Variants in LPAR1 observed in about 807,000 individuals in gnomAD.
LPAR1 encodes LPA receptor 1.
In LPAR1, 5 loss-of-function variants were observed where a neutral mutation model predicts 23.8. The ratio of observed to expected loss-of-function variants is 0.21; its 90% confidence interval spans 0.11 to 0.44. The LOEUF (loss-of-function observed/expected upper bound fraction) is 0.44. Among genes scored for constraint, LPAR1 ranks in the 20% least tolerant of loss-of-function variants. The pLI, the probability that LPAR1 is intolerant of heterozygous loss-of-function variation, is 0.99. For missense variants in LPAR1, 311 were observed against 482.8 expected (o/e 0.64, Z 3.33); for synonymous variants, 160 against 164.7 (o/e 0.97, Z 0.22).
chr9:110,918,955 G>T (rs1053876968), intron 5 of LPAR1, among the ~76,000 whole-genome samples: 1 of 151,728 alleles, frequency 6.6e-6, no homozygotes, highest in African/African-American at 2.4e-5. Flanking sequence ...GTTCCAAAAT[G>T]AGTCACACTC....
At chr9:110,990,544 G>T (rs2096874423) in intron 2 of LPAR1, among the ~76,000 whole-genome samples, 1 of 152,014 alleles carries the variant, frequency 6.6e-6, no homozygotes, top group Non-Finnish European at 1.5e-5. Flanking sequence ...TGAATATTTT[G>T]AACTAAATGA....
Position 110,876,581 on chromosome 9 carries a change from A to G in LPAR1, c.794-859T>C, listed in dbSNP as rs1430543362. On this transcript the variant is annotated intron_variant, in intron 5 of 5. Transcript: ENST00000683809. Reference sequence around the variant, plus strand: ...AAGGCCACAGTACTGGAAAGCAGAAAAATCCCAGAGTTTCTGTTCTTAGAG... The same window carrying G: ...AAGGCCACAGTACTGGAAAGCAGAAGAATCCCAGAGTTTCTGTTCTTAGAG... Among the ~76,000 whole-genome samples, 3 of 152,224 alleles carry G rather than the reference A, an allele frequency of 2.0e-5. No homozygotes were observed. In the East Asian group the frequency reaches 5.8e-4, roughly 29 times the overall value.
intron 5 of LPAR1, among the ~76,000 whole-genome samples, chr9:110,882,025 A>G (rs1485179199): frequency 1.3e-5 from 2 of 152,178 alleles, no homozygotes; most frequent in South Asian, 2.1e-4. Flanking sequence ...CTCTCTCTGC[A>G]GCTTTTTATG....
chr9:110,951,514 G>C (rs545174171), intron 4 of LPAR1, among the ~76,000 whole-genome samples: 2 of 152,118 alleles, frequency 1.3e-5, no homozygotes, highest in South Asian at 4.1e-4. Flanking sequence ...AAAACCTTAA[G>C]AGCCAATAAT....
intron 4 of LPAR1, among the ~76,000 whole-genome samples, chr9:110,950,648 A>G (rs1429335625): frequency 6.6e-6 from 1 of 152,130 alleles, no homozygotes; most frequent in Admixed American, 6.6e-5. Context: ...TACCAGAAAA[A>G]AAAATTCTAG....
intron 2 of LPAR1, among the ~76,000 whole-genome samples, chr9:111,014,974 G>T (rs1410506814): frequency 6.6e-6 from 1 of 151,916 alleles, no homozygotes; most frequent in African/African-American, 2.4e-5. Flanking sequence ...AAGTTAGAAT[G>T]AGGTCATTAG....
At chr9:110,897,884 T>C (rs1358162792) in intron 5 of LPAR1, among the ~76,000 whole-genome samples, 2 of 152,146 alleles carry the variant, frequency 1.3e-5, no homozygotes, top group African/African-American at 2.4e-5. Context: ...CTTTGTATTG[T>C]TGAATTTTCA....
chr9:110,882,236 AAGAAT>A (rs2081080498), intron 5 of LPAR1, among the ~76,000 whole-genome samples: 2 of 152,146 alleles, frequency 1.3e-5, no homozygotes, highest in African/African-American at 4.8e-5. Flanking sequence ...TTCCCTCAAC[AAGAAT>A]ATTAACTTCA....
Position 110,941,377 on chromosome 9 carries a change from C to G in LPAR1, c.793+44G>C. On this transcript the variant is annotated intron_variant, in intron 5 of 5. Transcript: ENST00000683809. This position sits in a 1 kb window ranked among gnomAD's most constrained non-coding sequence, Gnocchi z 6.1. ...ATAAAATAATGTGGTTTATGTTAGT[C>G]ACTGAGAATCTATAAAGTAAGTTAC... The G allele has an allele frequency of 6.5e-7, 1 of 1,530,606 alleles. No homozygotes were observed. Among genetic ancestry groups the G allele is most frequent in the Non-Finnish European group, 8.8e-7 (1 of 1,135,864 alleles). 94.8% of individuals were successfully genotyped at this position (1,530,606 alleles called of 1,614,324 possible).
At chr9:110,999,468 A>C (rs1367209819) in intron 2 of LPAR1, 1 of 455,646 alleles carries the variant, frequency 2.2e-6, no homozygotes, top group East Asian at 7.0e-5. Context: ...CTGCTTTCTA[A>C]AACAACCAGA....
chr9:110,999,334 A>C, intron 2 of LPAR1: 1 of 453,086 alleles, frequency 2.2e-6, no homozygotes. Flanking sequence ...CGAATGCTTT[A>C]ATTGCTAAAA....
intron 5 of LPAR1, among the ~76,000 whole-genome samples, chr9:110,876,290 G>A (rs969044896): frequency 2.0e-5 from 3 of 152,158 alleles, no homozygotes; most frequent in Non-Finnish European, 2.9e-5. Flanking sequence ...TTAAACAAGT[G>A]TTAAGGAAAT....
intron 5 of LPAR1, among the ~76,000 whole-genome samples, chr9:110,913,119 T>G (rs1005156127): frequency 3.3e-5 from 5 of 152,358 alleles, no homozygotes; most frequent in Middle Eastern, 3.4e-3. Context: ...GAAGTCTGTA[T>G]TCAAATCCAG....
chr9:110,999,395 C>A (rs1312635198), intron 2 of LPAR1: 1 of 456,064 alleles, frequency 2.2e-6, no homozygotes, highest in Non-Finnish European at 4.4e-6. Context: ...CACCCTACCT[C>A]ATTTTCCAGA....
intron 5 of LPAR1, among the ~76,000 whole-genome samples, chr9:110,905,010 C>T (rs2090729177): frequency 6.6e-6 from 1 of 152,172 alleles, no homozygotes; most frequent in East Asian, 1.9e-4. Context: ...ACCATTTCCA[C>T]TTAGAGGAAT....
intron 2 of LPAR1, among the ~76,000 whole-genome samples, chr9:111,017,653 T>C (rs1290402511): frequency 6.6e-6 from 1 of 152,232 alleles, no homozygotes; most frequent in Non-Finnish European, 1.5e-5. Context: ...CATTTTCTAG[T>C]AGTTAACCAG....
chr9:110,950,199 C>T (rs1179014071), intron 4 of LPAR1, among the ~76,000 whole-genome samples: 1 of 151,986 alleles, frequency 6.6e-6, no homozygotes, highest in Non-Finnish European at 1.5e-5. Flanking sequence ...GTGGTTGATG[C>T]CTGTAATCCC....
At chr9:110,930,340 A>G (rs2094327044) in intron 5 of LPAR1, among the ~76,000 whole-genome samples, 1 of 151,684 alleles carries the variant, frequency 6.6e-6, no homozygotes, top group South Asian at 2.1e-4. Context: ...ACATGGAGAA[A>G]CTCCATCTCT....
chr9:110,900,386 G>A (rs925085361), intron 5 of LPAR1, among the ~76,000 whole-genome samples: 1 of 152,098 alleles, frequency 6.6e-6, no homozygotes, highest in Non-Finnish European at 1.5e-5. Context: ...AAGGATGTGA[G>A]CATCTTTAGT....
Sources: allele counts gnomAD v4.1 joint callset (sites outside exome capture counted in the v4.1 genomes callset), GRCh38; gene constraint gnomAD v4.1.1; non-coding constraint Gnocchi (gnomAD v3.1); transcripts MANE v1.5; gene names NCBI Gene and HGNC (gene_info 2026-07-23, HGNC 2026-07-21).